RORA: variants seen among roughly 807,000 people sequenced by gnomAD.
The protein encoded by RORA is nuclear receptor ROR-alpha.
RORA carries 7 observed loss-of-function variants against 69.5 expected under a neutral mutation model. The ratio of observed to expected loss-of-function variants is 0.10; its 90% CI spans 0.06 to 0.19. The LOEUF (loss-of-function observed/expected upper bound fraction) is 0.19, where lower values mean the gene tolerates loss of function less well. Ranked by LOEUF, RORA falls within the 10% of genes least tolerant of loss-of-function variation. The probability of loss-of-function intolerance (pLI) is 1.00; values close to 1 mark genes in which losing one functional copy is unlikely to be tolerated. For missense variants in RORA, 457 were observed against 663.0 expected, an observed-to-expected ratio of 0.69 and a Z score of 3.41; for synonymous variants, 261 against 240.8, an observed-to-expected ratio of 1.08 and a Z score of -0.78.
intron 1 of RORA, among the ~76,000 whole-genome samples, chr15:60,987,773 CAA>C (rs1260823886): frequency 6.6e-6 from 1 of 152,138 alleles, no homozygotes; most frequent in Non-Finnish European, 1.5e-5. Flanking sequence ...TTTAACTCTC[CAA>C]AGAGTCCTGA....
chr15:60,890,462 G>C (rs2073801413), intron 1 of RORA, among the ~76,000 whole-genome samples: 1 of 152,170 alleles, frequency 6.6e-6, no homozygotes, highest in Non-Finnish European at 1.5e-5. Context: ...TCTTGCCCTG[G>C]AGGCCCCAGC....
At chr15:61,113,722 C>T in intron 1 of RORA, among the ~76,000 whole-genome samples, 1 of 152,166 alleles carries the variant, frequency 6.6e-6, no homozygotes, top group East Asian at 1.9e-4. Flanking sequence ...CGGATATATA[C>T]ATCCTCACCT....
rs1045464615 is a variant in RORA, at chr15:61,103,626, C to T, written c.166+125427G>A. Among the ~76,000 whole-genome samples, 21 of 152,188 alleles carry T rather than the reference C, an allele frequency of 1.4e-4. No individual in the cohort carries two copies. In the South Asian group the frequency reaches 1.5e-3, roughly 11 times the overall value. On this transcript the variant is annotated intron_variant, in intron 1 of 10. Coordinates refer to ENST00000335670, the MANE Select transcript of RORA (RefSeq NM_134261.3). ...GCCTGCCACTGCTAGGAGACCTCAACGACTCAAAGTCAGAGTGTGCACACG... is the reference window on the plus strand; with the variant it reads ...GCCTGCCACTGCTAGGAGACCTCAATGACTCAAAGTCAGAGTGTGCACACG...
chr15:60,702,290 A>G (rs879361532), intron 1 of RORA, among the ~76,000 whole-genome samples: 1 of 152,094 alleles, frequency 6.6e-6, no homozygotes, highest in Non-Finnish European at 1.5e-5. Context: ...CAGTGGTGCG[A>G]TCTAGGCTCT....
intron 1 of RORA, among the ~76,000 whole-genome samples, chr15:60,880,516 G>C (rs2073667365): frequency 6.6e-6 from 1 of 152,150 alleles, no homozygotes; most frequent in East Asian, 1.9e-4. Flanking sequence ...GTGGGCACCT[G>C]TAATCCTAGC....
chr15:60,765,102 T>A (rs1486041550), intron 1 of RORA: 1 of 152,108 alleles, frequency 6.6e-6, no homozygotes, highest in Admixed American at 6.6e-5. Flanking sequence ...ACAGTAGAAG[T>A]AAGGGTGTCT....
intron 1 of RORA, among the ~76,000 whole-genome samples, chr15:61,044,131 C>T (rs1162866267): frequency 1.3e-5 from 2 of 152,124 alleles, no homozygotes; most frequent in African/African-American, 4.8e-5. Context: ...CTGGCCTACC[C>T]CAAAGCAATT....
At chr15:61,183,465 G>C (rs897750757) in intron 1 of RORA, among the ~76,000 whole-genome samples, 1 of 151,574 alleles carries the variant, frequency 6.6e-6, no homozygotes, top group Non-Finnish European at 1.5e-5. Flanking sequence ...AACCCGGGAG[G>C]GAGAAGTTGC....
chr15:60,823,661 T>C (rs376427358), intron 1 of RORA, among the ~76,000 whole-genome samples: 2 of 152,240 alleles, frequency 1.3e-5, no homozygotes, highest in African/African-American at 4.8e-5. Flanking sequence ...CACAAGCATA[T>C]GTAATAGGCA....
chr15:60,922,986 T>A (rs1290635043), intron 1 of RORA, among the ~76,000 whole-genome samples: 1 of 152,240 alleles, frequency 6.6e-6, no homozygotes, highest in Non-Finnish European at 1.5e-5. Context: ...CTGGTGTCAC[T>A]GTGTGTATGA....
chr15:60,642,230 G>A (rs957340059), intron 2 of RORA, among the ~76,000 whole-genome samples: 64 of 151,496 alleles, frequency 4.2e-4, no homozygotes, highest in Non-Finnish European at 2.2e-4. Context: ...GAAACCAAGT[G>A]AGGAGAAAAA....
At position 60,499,991 on chromosome 15, in the gene RORA, C is replaced by T. The variant is rs772318216; in HGVS notation, c.1308G>A (p.Leu436=). The T allele has an allele frequency of 1.2e-6, 2 of 1,608,140 alleles. No individual in the cohort carries two copies. The highest frequency in any genetic ancestry group is 1.7e-6 in the Non-Finnish European group (2 of 1,175,306). Residue 436 remains leucine (L), a synonymous_variant, in exon 10 of 11, where the codon CTG becomes CTA. Transcript: ENST00000335670. ...GTTTTTCAATTTTTACCTTTTCTTG[C>T]AGCCATGAGCGATCTAAGCATAAAA... ...FVLMSADRSW[L]QEKVKIEKLQ... is the part of the protein sequence containing the mutation.
chr15:61,180,721 C>A (rs1454306923), intron 1 of RORA, among the ~76,000 whole-genome samples: 1 of 152,178 alleles, frequency 6.6e-6, no homozygotes, highest in Non-Finnish European at 1.5e-5. Flanking sequence ...ACCATGAGCA[C>A]CTTGAAGGCA....
At chr15:61,067,436 G>T (rs1244770508) in intron 1 of RORA, among the ~76,000 whole-genome samples, 1 of 152,038 alleles carries the variant, frequency 6.6e-6, no homozygotes, top group Non-Finnish European at 1.5e-5. Flanking sequence ...TTTTCAACTT[G>T]TGCAATTTCA....
chr15:60,940,333 A>G (rs1246779920), intron 1 of RORA, among the ~76,000 whole-genome samples: 1 of 152,246 alleles, frequency 6.6e-6, no homozygotes, highest in Non-Finnish European at 1.5e-5. Flanking sequence ...TCCAGTAATA[A>G]AAAGAAATTA....
chr15:60,614,246 C>A (rs2069170864), intron 2 of RORA, among the ~76,000 whole-genome samples: 1 of 152,106 alleles, frequency 6.6e-6, no homozygotes, highest in African/African-American at 2.4e-5. Flanking sequence ...TAATGGAGTA[C>A]TTTCCTCCTA....
chr15:60,576,673 T>A (rs1177941871), intron 2 of RORA, among the ~76,000 whole-genome samples: 1 of 152,248 alleles, frequency 6.6e-6, no homozygotes, highest in Non-Finnish European at 1.5e-5. Context: ...ACTCAGGTGC[T>A]GACAGCTATC....
intron 1 of RORA, among the ~76,000 whole-genome samples, chr15:60,804,033 T>C (rs2072623328): frequency 6.6e-6 from 1 of 152,148 alleles, no homozygotes; most frequent in Admixed American, 6.5e-5. Flanking sequence ...CTCATGCCTG[T>C]AATCCCAACA....
At chr15:60,832,308 G>T (rs932226645) in intron 1 of RORA, among the ~76,000 whole-genome samples, 15 of 152,104 alleles carry the variant, frequency 9.9e-5, no homozygotes, top group Non-Finnish European at 1.9e-4. Context: ...GAATTTTCCT[G>T]GTTTTAGCAT....
Sources: allele counts gnomAD v4.1 joint callset (sites outside exome capture counted in the v4.1 genomes callset), GRCh38; gene constraint gnomAD v4.1.1; transcripts MANE v1.5; gene names NCBI Gene and HGNC (gene_info 2026-07-23, HGNC 2026-07-21).